The following MRPS6 variants were observed in gnomAD, a reference collection of about 807,000 sequenced individuals.
MRPS6 encodes the protein small ribosomal subunit protein bS6m.
In MRPS6, 6 loss-of-function variants were observed where a neutral mutation model predicts 13.1. The ratio of observed to expected loss-of-function variants is 0.46; its 90% CI spans 0.25 to 0.91. The LOEUF is 0.91. MRPS6 is among the 40% of genes least tolerant of loss of function. MRPS6 has a pLI of 0.18. For missense variants in MRPS6, 164 were observed against 155.6 expected (o/e 1.05, Z -0.29); for synonymous variants, 61 against 56.5 (o/e 1.08, Z -0.36).
At chr21:34,128,341 C>T (rs935854993) in intron 2 of MRPS6, among the ~76,000 whole-genome samples, 1 of 152,170 alleles carries the variant, frequency 6.6e-6, no homozygotes, top group Non-Finnish European at 1.5e-5. Context: ...ATTGCCTCTA[C>T]TGTTCTCCCA....
At chr21:34,105,451 G>A in intron 1 of MRPS6, 1 of 999,378 alleles carries the variant, frequency 1.0e-6, no homozygotes. Context: ...CCAAATGTCA[G>A]CAGAGTGCTG....
intron 1 of MRPS6, among the ~76,000 whole-genome samples, chr21:34,078,875 A>G (rs1989394484): frequency 6.6e-6 from 1 of 152,226 alleles, no homozygotes; most frequent in Non-Finnish European, 1.5e-5. Context: ...TAGAATTTCC[A>G]ATATACTCAT....
At chr21:34,103,637 G>C (rs1979347946) in intron 1 of MRPS6, 6 of 1,000,068 alleles carry the variant, frequency 6.0e-6, no homozygotes, top group Non-Finnish European at 7.2e-6. Flanking sequence ...AGTATTCTCT[G>C]TATCCCACAA....
At chr21:34,085,751 C>T (rs533089900) in intron 1 of MRPS6, among the ~76,000 whole-genome samples, 4 of 152,142 alleles carry the variant, frequency 2.6e-5, no homozygotes, top group East Asian at 1.9e-4. Context: ...TACAGGCGCC[C>T]GCCACCGCAC....
At chr21:34,083,013 A>G (rs1414981940) in intron 1 of MRPS6, among the ~76,000 whole-genome samples, 1 of 152,206 alleles carries the variant, frequency 6.6e-6, no homozygotes, top group Admixed American at 6.5e-5. Flanking sequence ...GGAGCCCTCA[A>G]TCCTCATAAA....
chr21:34,093,523 G>A (rs780211089), intron 1 of MRPS6, among the ~76,000 whole-genome samples: 17 of 152,014 alleles, frequency 1.1e-4, no homozygotes, highest in Admixed American at 2.6e-4. Context: ...TGTTTTGAAC[G>A]GTTTTGAGAA....
chr21:34,080,991 T>C lies in MRPS6; in HGVS notation c.45+7246T>C, dbSNP rs1989446508. Among the ~76,000 whole-genome samples, 3 of 152,278 alleles carry C rather than the reference T, an allele frequency of 2.0e-5. No homozygotes were observed. The East Asian group carries it at 5.8e-4, about 29-fold the overall frequency. On this transcript the variant is annotated intron_variant, in intron 1 of 2. Transcript: ENST00000399312. ...TTTCCGTAAAATAATTTAAATATCA[T>C]GTGAGCTGATGAAATGAGTGCAAAC...
chr21:34,107,693 C>G (rs990507170), intron 1 of MRPS6, among the ~76,000 whole-genome samples: 1 of 152,078 alleles, frequency 6.6e-6, no homozygotes, highest in African/African-American at 2.4e-5. Flanking sequence ...GTATGAACTC[C>G]TGGATTACTT....
intron 1 of MRPS6, among the ~76,000 whole-genome samples, chr21:34,085,278 T>G (rs1260712427): frequency 1.3e-5 from 2 of 152,176 alleles, no homozygotes; most frequent in African/African-American, 4.8e-5. Flanking sequence ...TTTTCATGAT[T>G]AGAGTTAGAT....
chr21:34,108,503 G>C (rs1203722864), intron 1 of MRPS6, among the ~76,000 whole-genome samples: 2 of 152,134 alleles, frequency 1.3e-5, no homozygotes, highest in Non-Finnish European at 2.9e-5. Context: ...GCATTTCTCA[G>C]AACATGTTCC....
chr21:34,141,337 G>A (rs1980900407), intron 2 of MRPS6, among the ~76,000 whole-genome samples: 1 of 152,222 alleles, frequency 6.6e-6, no homozygotes, highest in Non-Finnish European at 1.5e-5. Flanking sequence ...GCAATGGAGA[G>A]TGAGGGGCCT....
intron 1 of MRPS6, among the ~76,000 whole-genome samples, chr21:34,116,441 C>G (rs1425008786): frequency 6.6e-6 from 1 of 151,070 alleles, no homozygotes; most frequent in Non-Finnish European, 1.5e-5. Flanking sequence ...TTGTATCGTA[C>G]TTATTCAATC....
intron 1 of MRPS6, chr21:34,095,794 T>G: frequency 6.2e-7 from 1 of 1,614,050 alleles, no homozygotes; most frequent in Non-Finnish European, 8.5e-7. Context: ...GCACTTACAC[T>G]TATGATTATT....
chr21:34,086,218 T>C (rs1315256502), intron 1 of MRPS6, among the ~76,000 whole-genome samples: 2 of 152,128 alleles, frequency 1.3e-5, no homozygotes, highest in East Asian at 1.9e-4. Flanking sequence ...AGGTTTTGTT[T>C]TGTTTTGTTT....
rs867780822 is a variant in MRPS6 at position 34,098,782 on chromosome 21, A to G, written c.45+25037A>G. The stretch of plus-strand genomic sequence containing the variant: ...GGGTACAGGGTACAAAAGATGTTAG[A>G]GAAAAGCTCTACAGATTACGTACTT... On this transcript the variant is annotated intron_variant, in intron 1 of 2. Coordinates refer to ENST00000399312, the MANE Select transcript of MRPS6 (RefSeq NM_032476.4). 1.2e-5 allele frequency: 12 copies of G among 1,000,166 alleles called. No homozygotes were observed. In the South Asian group the frequency reaches 1.4e-4, roughly 12 times the overall value. The allele number at this position is 1,000,166 out of a possible 1,614,324, so 62.0% of individuals were successfully genotyped here.
At chr21:34,137,108 G>A (rs1178917663) in intron 2 of MRPS6, among the ~76,000 whole-genome samples, 1 of 152,148 alleles carries the variant, frequency 6.6e-6, no homozygotes, top group African/African-American at 2.4e-5. Flanking sequence ...GGTGGTGTTA[G>A]TCCTTCAACT....
intron 1 of MRPS6, chr21:34,122,881 G>GC (rs1448485103): frequency 6.6e-6 from 1 of 152,122 alleles, no homozygotes; most frequent in East Asian, 1.9e-4. Flanking sequence ...CAGATGTATG[G>GC]CGATGTCTTT....
chr21:34,096,256 G>A lies in MRPS6; in HGVS notation c.45+22511G>A, dbSNP rs144212752. 20 of 1,613,984 alleles carry A rather than the reference G, an allele frequency of 1.2e-5. No individual in the cohort carries two copies. Among genetic ancestry groups the A allele is most frequent in the African/African-American group, 2.7e-5 (2 of 74,928 alleles). ...GGTTGCTCCAATATTGCTTACCCAC[G>A]CCTGGTGATGAAGCTGGTTCCTGTG... On this transcript the variant is annotated intron_variant, in intron 1 of 2. Transcript: ENST00000399312. This position sits in a 1 kb window ranked among gnomAD's most constrained non-coding sequence, Gnocchi z 5.9.
At chr21:34,089,201 T>TG (rs1351008834) in intron 1 of MRPS6, among the ~76,000 whole-genome samples, 1 of 19,430 alleles carries the variant, frequency 5.1e-5, no homozygotes, top group African/African-American at 1.9e-4. Flanking sequence ...CTGATTTTTG[T>TG]GTTTTTTTAG....
Sources: gnomAD v4.1 joint callset for allele counts (sites outside exome capture counted in the v4.1 genomes callset) on GRCh38, gnomAD v4.1.1 for gene constraint, Gnocchi (gnomAD v3.1) non-coding constraint, MANE v1.5 for transcripts, NCBI Gene and HGNC (gene_info 2026-07-23, HGNC 2026-07-21) for gene names.